FCGR1A: variants seen among roughly 807,000 people sequenced by gnomAD.
The protein encoded by FCGR1A is Fc gamma receptor Ia.
In FCGR1A, 13 loss-of-function variants were observed where a neutral mutation model predicts 35.0. The observed-to-expected ratio is 0.37, with a 90% CI of 0.24 to 0.59. FCGR1A has a LOEUF of 0.59. FCGR1A is among the 20% of genes least tolerant of loss of function. The pLI, the probability that FCGR1A is intolerant of heterozygous loss-of-function variation, is 0.71. For missense variants in FCGR1A, 227 were observed against 430.0 expected, an observed-to-expected ratio of 0.53 and a Z score of 4.17; for synonymous variants, 91 against 164.7, an observed-to-expected ratio of 0.55 and a Z score of 3.43.
intron 4 of FCGR1A, among the ~76,000 whole-genome samples, chr1:149,789,648 C>T (rs1331576960): frequency 6.6e-6 from 1 of 152,150 alleles, no homozygotes; most frequent in African/African-American, 2.4e-5. Context: ...CTGAGCTCCT[C>T]CTCCTGTCCA....
At chr1:149,790,019 C>G in intron 4 of FCGR1A, 35 bp from the exon 5 acceptor site, 1 of 1,611,714 alleles carries the variant, frequency 6.2e-7, no homozygotes, top group Non-Finnish European at 8.5e-7. Context: ...GGATGCTAAA[C>G]AGGCAACCTT....
chr1:149,790,183 A>T lies in FCGR1A; in HGVS notation c.689A>T (p.Tyr230Phe). The T allele has an allele frequency of 6.2e-7, 1 of 1,613,916 alleles. No homozygotes were observed. Residue 230 changes from tyrosine (Y) to phenylalanine (F), a missense_variant, in exon 5 of 6, where the codon TAC becomes TTC. By Grantham distance (22) the Tyr-to-Phe change is conservative (BLOSUM62 3). This residue lies in a region of FCGR1A where 185 missense variants were observed against 306.6 expected (regional missense o/e 0.60). Coordinates refer to ENST00000369168, the MANE Select transcript of FCGR1A (RefSeq NM_000566.4). ...RPGLQLYFSF[Y>F]MGSKTLRGRN... ...GGTTTGCAGCTTTACTTCTCCTTCT[A>T]CATGGGCAGCAAGACCCTGCGAGGC...
At chr1:149,787,347 T>C (rs1394735285) in intron 3 of FCGR1A, 2 of 152,240 alleles carry the variant, frequency 1.3e-5, no homozygotes, top group Non-Finnish European at 2.9e-5. Flanking sequence ...CCAAACCAAC[T>C]GCCTCTGGAG....
chr1:149,799,070 A>C, the FCGR1A span, among the ~76,000 whole-genome samples: 3 of 141,718 alleles, frequency 2.1e-5, no homozygotes, highest in Non-Finnish European at 4.6e-5. Context: ...AATTTTCTAG[A>C]ATCTAAATTC....
At chr1:149,797,673 C>G in the FCGR1A span, among the ~76,000 whole-genome samples, 1 of 152,308 alleles carries the variant, frequency 6.6e-6, no homozygotes, top group African/African-American at 2.4e-5. Flanking sequence ...TCTCAACTCA[C>G]TGTAACCCTC....
At chr1:149,785,408 GTTTTTTTTTTTTT>G (rs10670379) in intron 3 of FCGR1A, among the ~76,000 whole-genome samples, 1 of 67,636 alleles carries the variant, frequency 1.5e-5, no homozygotes, top group East Asian at 3.8e-4. Flanking sequence ...GAGCTGTTTC[GTTTTTTTTTTTTT>G]TTTTTTTTTT....
At chr1:149,799,075 A>C in the FCGR1A span, among the ~76,000 whole-genome samples, 1 of 142,330 alleles carries the variant, frequency 7.0e-6, no homozygotes, top group African/African-American at 2.7e-5. Context: ...TCTAGAATCT[A>C]AATTCACTTT....
chr1:149,792,692 G>A (rs781803172), downstream of FCGR1A: 68 of 1,281,630 alleles, frequency 5.3e-5, 5 homozygotes, highest in East Asian at 5.6e-5. Context: ...GGACCCAGCT[G>A]CGGCGAAAGC....
In FCGR1A at chr1:149,791,524, C is replaced by T. The variant is rs781986700; in HGVS notation, c.*7C>T. 3 of 1,610,508 alleles carry T rather than the reference C, an allele frequency of 1.9e-6. No homozygotes were observed. The highest frequency in any genetic ancestry group is 3.3e-5 in the Admixed American group (2 of 59,848). On this transcript the variant is annotated 3_prime_UTR_variant, in exon 6 of 6. Transcript: ENST00000369168. ...GCCCCAGGGGGCCACGTAGCAGCGG[C>T]TCAGTGGGTGGCCATCGATCTGGAC...
chr1:149,788,998 A>T (rs1410505518), intron 4 of FCGR1A, among the ~76,000 whole-genome samples: 1 of 151,916 alleles, frequency 6.6e-6, no homozygotes, highest in Non-Finnish European at 1.5e-5. Context: ...AAACCTGGAA[A>T]ATATGAAGAA....
Position 149,787,708 on chromosome 1 carries a change from AG to A in FCGR1A, c.308-655del, listed in dbSNP as rs1308200961. The A allele has an allele frequency of 2.7e-3, 419 of 154,978 alleles. 1 individual carries two copies. The highest frequency in any genetic ancestry group is 8.9e-3 in the African/African-American group (365 of 41,088). 9.6% of individuals were successfully genotyped at this position (154,978 alleles called of 1,614,324 possible). A position where few individuals can be genotyped will look rare whatever the true frequency, so the allele number is the denominator to read the frequency against. On this transcript the variant is annotated intron_variant, in intron 3 of 5. Coordinates refer to ENST00000369168, the MANE Select transcript of FCGR1A (RefSeq NM_000566.4). ...CTGAGAGTCTTCCAAGGCTGCAGTTAGGGTGTTGACTTTGCTGTGTTTCTTT... is the reference window on the plus strand; with the variant it reads ...CTGAGAGTCTTCCAAGGCTGCAGTTAGGTGTTGACTTTGCTGTGTTTCTTT...
the FCGR1A span, among the ~76,000 whole-genome samples, chr1:149,800,549 G>A: frequency 2.1e-5 from 3 of 141,470 alleles, no homozygotes; most frequent in East Asian, 6.0e-4. Context: ...GTGTTTCTAA[G>A]GATTTTAGGA....
At chr1:149,793,096 G>A, downstream of FCGR1A, 1 of 1,274,280 alleles carries the variant, frequency 7.8e-7, no homozygotes, top group Non-Finnish European at 1.0e-6. Context: ...CTGCCGCCAA[G>A]CCCCGGGGAT....
chr1:149,789,310 A>G (rs1553751331), intron 4 of FCGR1A, among the ~76,000 whole-genome samples: 1 of 152,088 alleles, frequency 6.6e-6, no homozygotes, highest in African/African-American at 2.4e-5. Context: ...GGAGAATAGC[A>G]TGAACCCGGG....
At chr1:149,791,717 G>A, downstream of FCGR1A, 1 of 659,060 alleles carries the variant, frequency 1.5e-6, no homozygotes, top group Non-Finnish European at 2.6e-6. Flanking sequence ...TTGAAATGAG[G>A]CCTACTCTAA....
At chr1:149,792,749 A>G (rs1357717152), downstream of FCGR1A, 4 of 1,283,754 alleles carry the variant, frequency 3.1e-6, no homozygotes, top group Non-Finnish European at 4.1e-6. Context: ...GCCAAAACCC[A>G]GTGAGAAATT....
chr1:149,798,805 G>T, the FCGR1A span, among the ~76,000 whole-genome samples: 1 of 152,066 alleles, frequency 6.6e-6, no homozygotes, highest in Non-Finnish European at 1.5e-5. Context: ...AGAGACAGGG[G>T]TCTTGCTTTG....
intron 4 of FCGR1A, among the ~76,000 whole-genome samples, chr1:149,788,823 G>A (rs1252570416): frequency 2.4e-4 from 37 of 152,232 alleles, no homozygotes; most frequent in Middle Eastern, 6.8e-3. Flanking sequence ...CCAGTGTACC[G>A]CAACCCCCAT....
intron 4 of FCGR1A, among the ~76,000 whole-genome samples, chr1:149,789,635 G>A (rs1346810810): frequency 2.6e-5 from 4 of 152,104 alleles, no homozygotes; most frequent in Non-Finnish European, 4.4e-5. Flanking sequence ...CCAGCATTAC[G>A]GCCTGAGCTC....
Sources: allele counts gnomAD v4.1 joint callset (sites outside exome capture counted in the v4.1 genomes callset), GRCh38; gene constraint gnomAD v4.1.1; regional missense constraint gnomAD v4.1.1; transcripts MANE v1.5; gene names NCBI Gene and HGNC (gene_info 2026-07-23, HGNC 2026-07-21).